USP30: variants seen among roughly 807,000 people sequenced by gnomAD.
The protein encoded by USP30 is ubiquitin carboxyl-terminal hydrolase 30.
A neutral mutation model predicts 68.2 loss-of-function variants in USP30; 41 were observed. That is an observed-to-expected ratio of 0.60 (90% CI 0.47 to 0.78). The LOEUF (loss-of-function observed/expected upper bound fraction) is 0.78, where lower values mean the gene tolerates loss of function less well. USP30 is among the 30% of genes least tolerant of loss of function. The pLI is 0.00. For synonymous variants in USP30, 229 were observed against 253.7 expected (o/e 0.90, Z 0.93); for missense variants, 522 against 649.4 (o/e 0.80, Z 2.13).
intron 3 of USP30, among the ~76,000 whole-genome samples, chr12:109,030,085 T>C (rs1269815844): frequency 2.0e-5 from 3 of 152,228 alleles, no homozygotes; most frequent in Non-Finnish European, 4.4e-5. Flanking sequence ...CAAGTTACGC[T>C]GTAAGATTAA....
At chr12:109,075,930 C>T (rs1325233604) in intron 7 of USP30, among the ~76,000 whole-genome samples, 1 of 150,348 alleles carries the variant, frequency 6.7e-6, no homozygotes, top group Non-Finnish European at 1.5e-5. Flanking sequence ...TGGATATTAA[C>T]CTCTTATCAG....
At chr12:109,075,834 ACTTT>A (rs2041585317) in intron 7 of USP30, among the ~76,000 whole-genome samples, 1 of 114,010 alleles carries the variant, frequency 8.8e-6, no homozygotes, top group Non-Finnish European at 1.8e-5. Context: ...TAATCATGTT[ACTTT>A]TTCTTTTTTT....
chr12:109,056,786 G>GA lies in USP30; in HGVS notation c.192dup (p.Gly65ArgfsTer8), dbSNP rs2040890334. On this transcript the variant is annotated frameshift_variant, in exon 2 of 13. Transcript: ENST00000257548. LOFTEE classifies it high-confidence loss of function. ...CCCATTACAGAAAGAAAGAAGCGTA[G>GA]AAAAGGTAAGAATGAGAACACTGCA... 1 of 1,606,676 alleles carries GA rather than the reference G, an allele frequency of 6.2e-7. No homozygotes were observed. The highest frequency in any genetic ancestry group is 1.3e-5 in the African/African-American group (1 of 74,628).
intron 6 of USP30, 48 bp downstream of exon 6, chr12:109,072,398 G>T: frequency 6.4e-7 from 1 of 1,567,576 alleles, no homozygotes; most frequent in Non-Finnish European, 8.8e-7. Flanking sequence ...GGACTTTTAA[G>T]ATATGATAAT....
At chr12:109,043,151 G>A (rs556078847) in intron 3 of USP30, among the ~76,000 whole-genome samples, 4 of 152,244 alleles carry the variant, frequency 2.6e-5, no homozygotes, top group South Asian at 2.1e-4. Flanking sequence ...AATTAATATC[G>A]TTAAAATGTC....
At chr12:109,053,151 A>G (rs757303996) in intron 1 of USP30, among the ~76,000 whole-genome samples, 11 of 151,840 alleles carry the variant, frequency 7.2e-5, no homozygotes, top group Non-Finnish European at 1.3e-4. Context: ...CCCCAATCAT[A>G]TCAGTTTCTG....
At chr12:109,034,773 C>CT (rs960237555) in intron 3 of USP30, among the ~76,000 whole-genome samples, 21 of 150,492 alleles carry the variant, frequency 1.4e-4, no homozygotes, top group African/African-American at 2.2e-4. Context: ...TAATTCTGTC[C>CT]TTTTTTTTTC....
At chr12:109,035,520 T>C (rs2040512472) in intron 3 of USP30, among the ~76,000 whole-genome samples, 1 of 152,052 alleles carries the variant, frequency 6.6e-6, no homozygotes, top group Admixed American at 6.6e-5. Context: ...TGTGCCACCA[T>C]GCCCAGCTAA....
At chr12:109,031,850 T>C (rs2040483898) in intron 3 of USP30, among the ~76,000 whole-genome samples, 1 of 152,182 alleles carries the variant, frequency 6.6e-6, no homozygotes, top group Non-Finnish European at 1.5e-5. Flanking sequence ...GGGCTTGTAA[T>C]CCTAGCACTT....
At chr12:109,043,768 A>T (rs1433099873) in intron 3 of USP30, among the ~76,000 whole-genome samples, 1 of 152,236 alleles carries the variant, frequency 6.6e-6, no homozygotes, top group Non-Finnish European at 1.5e-5. Context: ...ATCAAAAGAC[A>T]CTATCAAGAG....
At chr12:109,046,641 A>T (rs983001834) in intron 3 of USP30, among the ~76,000 whole-genome samples, 2 of 152,172 alleles carry the variant, frequency 1.3e-5, no homozygotes, top group African/African-American at 4.8e-5. Flanking sequence ...AGGGAAAAAG[A>T]TGAATTGCCT....
chr12:109,025,901 C>T (rs1233441541), intron 2 of USP30, among the ~76,000 whole-genome samples: 5 of 151,904 alleles, frequency 3.3e-5, no homozygotes, highest in Admixed American at 1.3e-4. Context: ...TTGCCCAGGC[C>T]GATCTCAAAC....
In USP30 at chr12:109,082,035, C is replaced by T; in HGVS notation, c.867+16C>T. 6.2e-7 allele frequency: 1 copy of T among 1,613,666 alleles called. No individual in the cohort carries two copies. Among genetic ancestry groups the T allele is most frequent in the Middle Eastern group, 1.7e-4 (1 of 6,030 alleles). On this transcript the variant is annotated intron_variant, in intron 9 of 12. Transcript: ENST00000257548. ...CTGTACAAAGGTATGCATTGAACCC[C>T]AAATGTCATCGCCAGCTGGCCTGTG... is the stretch of plus-strand genomic sequence containing the variant.
At chr12:109,046,620 C>G (rs573056526) in intron 3 of USP30, among the ~76,000 whole-genome samples, 66 of 152,288 alleles carry the variant, frequency 4.3e-4, no homozygotes, top group Non-Finnish European at 7.4e-4. Flanking sequence ...TTAAACTTAA[C>G]CATCACACCC....
At position 109,072,348 on chromosome 12, in the gene USP30, G is replaced by C. The variant is rs1475218848; in HGVS notation, c.623G>C (p.Arg208Thr). ...CCCAAACAAATTACCTGCCGCACAA[G>C]AGGTAGCTGTTTTCCATTGAAATAT... ...ITPKQITCRT[R>T]GSPHPTSNHW... Residue 208 changes from arginine (R) to threonine (T), a missense_variant and splice_region_variant, in exon 6 of 13, where the codon AGA (arginine) becomes ACA (threonine). Coordinates refer to ENST00000257548, the MANE Select transcript of USP30 (RefSeq NM_032663.5). 1.2e-6 allele frequency: 2 copies of C among 1,613,288 alleles called. No individual in the cohort carries two copies. Among genetic ancestry groups the C allele is most frequent in the Admixed American group, 1.7e-5 (1 of 59,996 alleles).
intron 6 of USP30, 108 bp from the exon 7 acceptor site, chr12:109,073,330 A>ATTTTTTT: frequency 1.4e-6 from 1 of 730,598 alleles, no homozygotes; most frequent in Admixed American, 2.4e-5. Flanking sequence ...TTTCAAGAAT[A>ATTTTTTT]TTTTTTCTTA....
intron 8 of USP30, 37 bp downstream of exon 8, chr12:109,081,430 C>T: frequency 6.8e-6 from 11 of 1,608,454 alleles, no homozygotes; most frequent in Non-Finnish European, 7.7e-6. Flanking sequence ...GAGTCTGTTT[C>T]AGAAACATTT....
intron 1 of USP30, among the ~76,000 whole-genome samples, chr12:109,055,381 T>C (rs1413251667): frequency 2.2e-5 from 1 of 46,232 alleles, no homozygotes; most frequent in Non-Finnish European, 4.0e-5. Context: ...TATATATACA[T>C]ATATATATAT....
intron 12 of USP30, 25 bp from the exon 13 acceptor site, chr12:109,085,642 C>G (rs561301046): frequency 6.2e-7 from 1 of 1,609,982 alleles, no homozygotes. Flanking sequence ...ATTGTAAACC[C>G]CTGACATGTG....
Sources: allele counts gnomAD v4.1 joint callset (sites outside exome capture counted in the v4.1 genomes callset), GRCh38; gene constraint gnomAD v4.1.1; transcripts MANE v1.5; gene names NCBI Gene and HGNC (gene_info 2026-07-23, HGNC 2026-07-21).